Variants in TECRL observed in about 807,000 individuals in gnomAD.
TECRL encodes the protein trans-2,3-enoyl-CoA reductase-like.
Under a neutral mutation model 52.8 loss-of-function variants are expected in TECRL, and 63 were observed. The observed-to-expected ratio is 1.19, with a 90% CI of 0.97 to 1.47. The LOEUF (loss-of-function observed/expected upper bound fraction) is 1.47, where lower values mean the gene tolerates loss of function less well. TECRL is among the 40% of genes most tolerant of loss of function. TECRL has a pLI of 0.00. For missense variants in TECRL, 482 were observed against 429.6 expected (o/e 1.12, Z -1.08); for synonymous variants, 164 against 141.9 (o/e 1.16, Z -1.10).
intron 2 of TECRL, among the ~76,000 whole-genome samples, chr4:64,337,531 T>A (rs1719194919): frequency 6.6e-6 from 1 of 152,120 alleles, no homozygotes; most frequent in Non-Finnish European, 1.5e-5. Flanking sequence ...GAAAACCCCA[T>A]CATCTCAGCC....
At chr4:64,338,516 T>G (rs949901916) in intron 2 of TECRL, among the ~76,000 whole-genome samples, 3 of 151,646 alleles carry the variant, frequency 2.0e-5, no homozygotes, top group Admixed American at 6.6e-5. Flanking sequence ...TGGGAGAAAA[T>G]TTTTGCAATC....
chr4:64,327,111 G>A (rs919083442), intron 3 of TECRL, among the ~76,000 whole-genome samples: 2 of 151,588 alleles, frequency 1.3e-5, no homozygotes, highest in Admixed American at 6.6e-5. Flanking sequence ...GTAAGTATGA[G>A]AGGGTCAATC....
chr4:64,306,434 G>T (rs1273876655), intron 6 of TECRL, among the ~76,000 whole-genome samples: 2 of 151,992 alleles, frequency 1.3e-5, no homozygotes, highest in East Asian at 1.9e-4. Context: ...ACCCCATTAG[G>T]GTGTTGGATA....
At chr4:64,349,079 A>AAC (rs1720194494) in intron 2 of TECRL, among the ~76,000 whole-genome samples, 1 of 148,326 alleles carries the variant, frequency 6.7e-6, no homozygotes, top group Admixed American at 6.7e-5. Context: ...AAAAAAAAAA[A>AAC]CCTAAAATTT....
At chr4:64,343,510 T>C (rs967712624) in intron 2 of TECRL, among the ~76,000 whole-genome samples, 4 of 151,910 alleles carry the variant, frequency 2.6e-5, no homozygotes, top group African/African-American at 9.7e-5. Context: ...CAAAGAAACA[T>C]TTATCATGAT....
intron 3 of TECRL, 93 bp from the exon 4 acceptor site, chr4:64,322,885 GATTA>G: frequency 2.3e-6 from 2 of 880,304 alleles, no homozygotes; most frequent in Admixed American, 6.3e-5. Context: ...AAAAGCTAAA[GATTA>G]ATTTAATATG....
At chr4:64,400,081 G>A (rs1724245055) in intron 1 of TECRL, among the ~76,000 whole-genome samples, 1 of 152,218 alleles carries the variant, frequency 6.6e-6, no homozygotes, top group Admixed American at 6.5e-5. Context: ...CAGCCATAGG[G>A]ACTGAACCCT....
intron 2 of TECRL, among the ~76,000 whole-genome samples, chr4:64,361,297 G>A (rs549108887): frequency 6.6e-5 from 10 of 152,158 alleles, no homozygotes; most frequent in African/African-American, 1.7e-4. Context: ...TGACTTATAC[G>A]CATACACAGA....
chr4:64,384,565 A>G (rs1315307319), intron 1 of TECRL, among the ~76,000 whole-genome samples: 1 of 152,084 alleles, frequency 6.6e-6, no homozygotes, highest in Non-Finnish European at 1.5e-5. Flanking sequence ...TCCCATTCTC[A>G]GGCCCCCTAG....
chr4:64,370,823 T>C (rs1721924697), intron 2 of TECRL, among the ~76,000 whole-genome samples: 1 of 151,888 alleles, frequency 6.6e-6, no homozygotes, highest in Non-Finnish European at 1.5e-5. Flanking sequence ...AAGAAAACTA[T>C]TAATCATGTG....
chr4:64,342,867 C>T (rs1019663134), intron 2 of TECRL, among the ~76,000 whole-genome samples: 8 of 152,138 alleles, frequency 5.3e-5, no homozygotes, highest in African/African-American at 1.7e-4. Context: ...TCTGCTAAAA[C>T]ATGATATATG....
chr4:64,398,787 G>A (rs1397216724), intron 1 of TECRL, among the ~76,000 whole-genome samples: 1 of 152,128 alleles, frequency 6.6e-6, no homozygotes, highest in African/African-American at 2.4e-5. Context: ...AAGAAGAAAG[G>A]AAGATGAGGG....
chr4:64,363,479 A>G (rs1193122503), intron 2 of TECRL, among the ~76,000 whole-genome samples: 1 of 152,132 alleles, frequency 6.6e-6, no homozygotes, highest in Non-Finnish European at 1.5e-5. Context: ...AACAAAGGAG[A>G]CAGGGTCATT....
At chr4:64,366,017 T>C (rs1721575809) in intron 2 of TECRL, among the ~76,000 whole-genome samples, 1 of 152,090 alleles carries the variant, frequency 6.6e-6, no homozygotes, top group South Asian at 2.1e-4. Flanking sequence ...AACAGTATGG[T>C]ACTAGTACAA....
chr4:64,336,524 C>G (rs924814218), intron 2 of TECRL, among the ~76,000 whole-genome samples: 12 of 152,104 alleles, frequency 7.9e-5, no homozygotes, highest in Non-Finnish European at 1.8e-4. Flanking sequence ...CTGCTCTAAT[C>G]TTAGTTATTT....
At chr4:64,396,062 C>T (rs904097248) in intron 1 of TECRL, among the ~76,000 whole-genome samples, 7 of 152,028 alleles carry the variant, frequency 4.6e-5, no homozygotes, top group Non-Finnish European at 7.4e-5. Context: ...TTGACTATAT[C>T]CAGTCTATCA....
chr4:64,331,257 A>G (rs1014519461), intron 2 of TECRL, among the ~76,000 whole-genome samples: 2 of 152,246 alleles, frequency 1.3e-5, no homozygotes, highest in Admixed American at 1.3e-4. Context: ...CACTGGTGCC[A>G]TATTAGGTTT....
chr4:64,284,469 T>C (rs1722984975), intron 9 of TECRL, among the ~76,000 whole-genome samples: 1 of 82,860 alleles, frequency 1.2e-5, no homozygotes, highest in Non-Finnish European at 3.3e-5. Context: ...ACAGGGAATA[T>C]GGTAGTGAAA....
intron 5 of TECRL, among the ~76,000 whole-genome samples, chr4:64,313,156 T>C (rs1577852790): frequency 1.3e-5 from 2 of 152,172 alleles, no homozygotes; most frequent in South Asian, 4.1e-4. Flanking sequence ...AGTACTGTAA[T>C]TAAAGGTAGG....
Sources: allele counts gnomAD v4.1 joint callset (sites outside exome capture counted in the v4.1 genomes callset), GRCh38; gene constraint gnomAD v4.1.1; transcripts MANE v1.5; gene names NCBI Gene and HGNC (gene_info 2026-07-23, HGNC 2026-07-21).